Variants in FCHO2 observed in about 807,000 individuals in gnomAD.
FCHO2 encodes the protein FCH and mu domain containing endocytic adaptor 2.
In FCHO2, 43 loss-of-function variants were observed where a neutral mutation model predicts 114.1. The observed-to-expected ratio is 0.38, with a 90% confidence interval of 0.30 to 0.49. The LOEUF (loss-of-function observed/expected upper bound fraction) is 0.49. Ranked by LOEUF, FCHO2 falls within the 20% of genes least tolerant of loss-of-function variation. The probability of loss-of-function intolerance (pLI) is 0.97; values close to 1 mark genes in which losing one functional copy is unlikely to be tolerated. For missense variants in FCHO2, 807 were observed against 950.4 expected (o/e 0.85, Z 1.98); for synonymous variants, 293 against 315.2 (o/e 0.93, Z 0.75).
At chr5:72,994,863 C>T (rs969425207) in intron 5 of FCHO2, among the ~76,000 whole-genome samples, 2 of 151,962 alleles carry the variant, frequency 1.3e-5, no homozygotes, top group African/African-American at 4.8e-5. Flanking sequence ...AATGCAGGAA[C>T]AGAAAACCAA....
chr5:72,978,881 C>G (rs1216575647), intron 2 of FCHO2, among the ~76,000 whole-genome samples: 3 of 152,010 alleles, frequency 2.0e-5, no homozygotes, highest in Non-Finnish European at 4.4e-5. Context: ...TGGTTTTTGT[C>G]ATTGATTCTG....
chr5:73,003,815 G>T (rs186499991), intron 5 of FCHO2, among the ~76,000 whole-genome samples: 1 of 151,912 alleles, frequency 6.6e-6, no homozygotes, highest in Non-Finnish European at 1.5e-5. Flanking sequence ...AGGCCTAGGC[G>T]TGTGGATCAT....
chr5:72,963,826 C>T (rs1752017117), intron 1 of FCHO2, among the ~76,000 whole-genome samples: 1 of 151,152 alleles, frequency 6.6e-6, no homozygotes, highest in African/African-American at 2.4e-5. Context: ...GCTGGGATTC[C>T]AAGTGTGAGC....
In FCHO2 at chr5:73,088,316, AT is replaced by A. The variant is rs1411494336; in HGVS notation, c.*229del. ...ATCAACTACAATATTCAGGAAGCAC[AT>A]TTATTCAGATTCTCAGTAAAAATGA... On this transcript the variant is annotated 3_prime_UTR_variant, in exon 26 of 26. Coordinates refer to ENST00000430046, the MANE Select transcript of FCHO2 (RefSeq NM_138782.3). The A allele has an allele frequency of 5.7e-5, 30 of 529,958 alleles. No individual in the cohort carries two copies. In the African/African-American group the frequency reaches 5.7e-4, roughly 10 times the overall value. 32.8% of individuals were successfully genotyped at this position (529,958 alleles called of 1,614,324 possible).
At chr5:73,014,471 G>T (rs956135334) in intron 6 of FCHO2, among the ~76,000 whole-genome samples, 3 of 151,550 alleles carry the variant, frequency 2.0e-5, no homozygotes, top group African/African-American at 7.3e-5. Context: ...TGTATTTTGA[G>T]TAGAGACGAG....
chr5:72,986,012 C>T (rs1753501940), intron 2 of FCHO2, among the ~76,000 whole-genome samples: 1 of 152,060 alleles, frequency 6.6e-6, no homozygotes, highest in Admixed American at 6.6e-5. Context: ...TCCTTTACAT[C>T]TCTTCTCTGT....
chr5:72,988,151 C>T (rs775377753), intron 2 of FCHO2, among the ~76,000 whole-genome samples: 1 of 152,036 alleles, frequency 6.6e-6, no homozygotes, highest in Non-Finnish European at 1.5e-5. Flanking sequence ...GTTAAGAAGG[C>T]CAAACAGGCC....
chr5:73,036,097 C>T (rs1038408031), intron 9 of FCHO2, among the ~76,000 whole-genome samples: 15 of 152,022 alleles, frequency 9.9e-5, no homozygotes, highest in Admixed American at 6.6e-5. Context: ...CCGCCCACGT[C>T]GGCCTTCCAA....
chr5:72,988,133 T>A (rs1323267949), intron 2 of FCHO2, among the ~76,000 whole-genome samples: 1 of 152,070 alleles, frequency 6.6e-6, no homozygotes, highest in African/African-American at 2.4e-5. Flanking sequence ...AACTATAAGT[T>A]TTGTAGTGTT....
intron 5 of FCHO2, among the ~76,000 whole-genome samples, chr5:72,992,970 A>T (rs894681096): frequency 2.0e-5 from 3 of 152,054 alleles, no homozygotes; most frequent in South Asian, 2.1e-4. Context: ...CAAAATAAAA[A>T]AAAAAAACTC....
In FCHO2 at chr5:72,989,840, A is replaced by G. The variant is rs536410503; in HGVS notation, c.200+339A>G. 8.5e-5 allele frequency among the ~76,000 whole-genome samples: 13 copies of G among 152,210 alleles called. 1 individual carries two copies. The South Asian group carries it at 2.5e-3, about 29-fold the overall frequency. ...TAAATTCTGTTGTAGTTTAACAGTG[A>G]TCTTTAAAAACTCACTTAAGATAAA... On this transcript the variant is annotated intron_variant, in intron 3 of 25. Transcript: ENST00000430046.
At chr5:72,957,636 G>A (rs1236835734) in intron 1 of FCHO2, among the ~76,000 whole-genome samples, 1 of 152,160 alleles carries the variant, frequency 6.6e-6, no homozygotes, top group African/African-American at 2.4e-5. Flanking sequence ...TTTGGGTTAT[G>A]AATAATGCTG....
At chr5:72,989,303 C>A in intron 2 of FCHO2, 124 bp from the exon 3 acceptor site, 3 of 681,444 alleles carry the variant, frequency 4.4e-6, no homozygotes, top group South Asian at 2.0e-5. Context: ...CATATATGTA[C>A]TTATTTTTAA....
rs373604991 is a variant in FCHO2 at position 73,015,465 on chromosome 5, G to A, written c.601-161G>A. Among the ~76,000 whole-genome samples the A allele has an allele frequency of 3.2e-3, 480 of 152,122 alleles. 2 individuals carry two copies. The Middle Eastern group carries it at 0.034, about 11-fold the overall frequency. On this transcript the variant is annotated intron_variant, in intron 6 of 25. Transcript: ENST00000430046. ...TTTAGTAGAGACAGGGTTTCACCAT[G>A]TTGGCCAGGCTGGTCTTGAACTTCT...
chr5:73,029,993 C>A (rs1345875855), intron 8 of FCHO2, among the ~76,000 whole-genome samples: 2 of 148,098 alleles, frequency 1.4e-5, no homozygotes, highest in Non-Finnish European at 3.0e-5. Context: ...TTTTTCTTTG[C>A]ATTTTTCTTT....
At chr5:73,006,330 A>C (rs571602457) in intron 5 of FCHO2, 115 bp from the exon 6 acceptor site, 15 of 558,548 alleles carry the variant, frequency 2.7e-5, no homozygotes, top group African/African-American at 2.5e-4. Flanking sequence ...AAAGTTAGTT[A>C]TATGTCATAT....
Position 73,054,549 on chromosome 5 carries a change from A to G in FCHO2, c.1210A>G (p.Asn404Asp). 6.5e-7 allele frequency: 1 copy of G among 1,538,924 alleles called. No homozygotes were observed. The highest frequency in any genetic ancestry group is 2.0e-5 in the Admixed American group (1 of 49,112). Residue 404 changes from asparagine (N) to aspartate (D), a missense_variant and splice_region_variant, in exon 15 of 26, where the codon AAT (asparagine) becomes GAT (aspartate). By Grantham distance (23) the Asn-to-Asp change is conservative (BLOSUM62 1). Coordinates refer to ENST00000430046, the MANE Select transcript of FCHO2 (RefSeq NM_138782.3). Reference protein sequence around the residue: ...SPVQMNRNLSNEELTKSKPSA... With the variant: ...SPVQMNRNLSDEELTKSKPSA... Reference sequence around the variant, plus strand: ...GGTACAGATGAATCGGAATTTGTCTAGTAAGTTTGACATTTGAATTGTTTA... The same window carrying G: ...GGTACAGATGAATCGGAATTTGTCTGGTAAGTTTGACATTTGAATTGTTTA...
At chr5:73,025,092 T>C (rs1322740097) in intron 8 of FCHO2, among the ~76,000 whole-genome samples, 4 of 152,182 alleles carry the variant, frequency 2.6e-5, no homozygotes, top group Admixed American at 6.5e-5. Context: ...CTAGGACTTT[T>C]AAACAGTCCT....
intron 8 of FCHO2, among the ~76,000 whole-genome samples, chr5:73,026,259 C>T (rs1319088545): frequency 6.6e-6 from 1 of 152,108 alleles, no homozygotes; most frequent in Non-Finnish European, 1.5e-5. Context: ...CACCTGAGGT[C>T]AGGGGTTCGA....
Sources: allele counts gnomAD v4.1 joint callset (sites outside exome capture counted in the v4.1 genomes callset), GRCh38; gene constraint gnomAD v4.1.1; transcripts MANE v1.5; gene names NCBI Gene and HGNC (gene_info 2026-07-23, HGNC 2026-07-21).